The following GABRA2 variants were observed in gnomAD, a reference collection of about 807,000 sequenced individuals.
GABRA2 encodes the protein gamma-aminobutyric acid receptor subunit alpha-2.
Under a neutral mutation model 48.7 loss-of-function variants are expected in GABRA2, and 16 were observed. The observed-to-expected ratio is 0.33, with a 90% CI of 0.22 to 0.50. The LOEUF is 0.50. GABRA2 is among the 20% of genes least tolerant of loss of function. The pLI, the probability that GABRA2 is intolerant of heterozygous loss-of-function variation, is 0.98. For synonymous variants in GABRA2, 185 were observed against 184.5 expected (o/e 1.00, Z -0.02); for missense variants, 275 against 535.6 (o/e 0.51, Z 4.80).
intron 1 of GABRA2, chr4:46,389,009 T>G (rs1439623575): frequency 8.6e-5 from 102 of 1,183,424 alleles, no homozygotes; most frequent in Admixed American, 2.6e-4. Flanking sequence ...TCCCCCAGCC[T>G]CATCGTCAGC....
chr4:46,288,270 G>A (rs1722937191), intron 8 of GABRA2, among the ~76,000 whole-genome samples: 1 of 152,090 alleles, frequency 6.6e-6, no homozygotes, highest in Non-Finnish European at 1.5e-5. Flanking sequence ...GACTGTTGTT[G>A]GGGTATAGAA....
intron 6 of GABRA2, among the ~76,000 whole-genome samples, chr4:46,308,313 C>A (rs189268263): frequency 6.6e-6 from 1 of 152,040 alleles, no homozygotes; most frequent in East Asian, 1.9e-4. Context: ...TGTAAGCACA[C>A]AGAAAAAAAA....
chr4:46,288,237 G>A (rs905766036), intron 8 of GABRA2, among the ~76,000 whole-genome samples: 19 of 152,158 alleles, frequency 1.2e-4, no homozygotes, highest in African/African-American at 4.6e-4. Context: ...ATGGGAATAT[G>A]TTCCTTATTT....
At chr4:46,382,626 T>A (rs368774401) in intron 3 of GABRA2, among the ~76,000 whole-genome samples, 2 of 152,160 alleles carry the variant, frequency 1.3e-5, no homozygotes, top group East Asian at 3.9e-4. Flanking sequence ...TTATTAATCG[T>A]TAAATGCCTT....
At chr4:46,312,398 C>G in intron 5 of GABRA2, 98 bp downstream of exon 5, 1 of 753,132 alleles carries the variant, frequency 1.3e-6, no homozygotes, top group African/African-American at 1.8e-5. Flanking sequence ...TTAGAAAACA[C>G]TCAACTTTGT....
At chr4:46,355,429 A>C (rs978360690) in intron 3 of GABRA2, among the ~76,000 whole-genome samples, 2 of 152,146 alleles carry the variant, frequency 1.3e-5, no homozygotes, top group Admixed American at 6.5e-5. Context: ...CAGTAAAGGG[A>C]TAATATATCC....
chr4:46,303,694 C>A (rs1174464835), intron 7 of GABRA2, 82 bp from the exon 8 acceptor site: 15 of 1,235,810 alleles, frequency 1.2e-5, no homozygotes, highest in African/African-American at 1.5e-5. Context: ...AGAGGTAGAA[C>A]AAAAACTGAT....
intron 8 of GABRA2, among the ~76,000 whole-genome samples, chr4:46,300,798 T>C (rs1725604907): frequency 6.6e-6 from 1 of 152,106 alleles, no homozygotes; most frequent in Non-Finnish European, 1.5e-5. Flanking sequence ...AATCCATTGA[T>C]ACCCTCCCTC....
At chr4:46,379,812 C>G (rs2109350469) in intron 3 of GABRA2, among the ~76,000 whole-genome samples, 1 of 152,302 alleles carries the variant, frequency 6.6e-6, no homozygotes, top group African/African-American at 2.4e-5. Flanking sequence ...CTGGAGTTTA[C>G]TCTGCCTTCA....
At chr4:46,346,900 G>T (rs1192867164) in intron 3 of GABRA2, among the ~76,000 whole-genome samples, 1 of 151,780 alleles carries the variant, frequency 6.6e-6, no homozygotes, top group Admixed American at 6.6e-5. Flanking sequence ...CCATCAAAAA[G>T]CTGTCAGAGC....
intron 3 of GABRA2, among the ~76,000 whole-genome samples, chr4:46,384,166 A>G (rs936460787): frequency 6.6e-6 from 1 of 152,118 alleles, no homozygotes; most frequent in African/African-American, 2.4e-5. Context: ...CCTCCAAGGA[A>G]TATGTTCCTT....
chr4:46,335,985 C>G (rs1477089439), intron 3 of GABRA2, among the ~76,000 whole-genome samples: 1 of 152,110 alleles, frequency 6.6e-6, no homozygotes, highest in Non-Finnish European at 1.5e-5. Flanking sequence ...TGGGACCTTT[C>G]AACTTTGCCT....
At position 46,369,264 on chromosome 4, in the gene GABRA2, C is replaced by T. The variant is rs1222257257; in HGVS notation, c.187+16810G>A. ...GCTATTACCGAATTTCATTGAGCTACTGTCATTGGGAATTTCAGCTTGGGG... is the reference window on the plus strand; with the variant it reads ...GCTATTACCGAATTTCATTGAGCTATTGTCATTGGGAATTTCAGCTTGGGG... On this transcript the variant is annotated intron_variant, in intron 3 of 9. Coordinates refer to ENST00000381620, the MANE Select transcript of GABRA2 (RefSeq NM_000807.4). Among the ~76,000 whole-genome samples the T allele has an allele frequency of 2.0e-5, 3 of 152,160 alleles. No individual in the cohort carries two copies. In the East Asian group the frequency reaches 5.8e-4, roughly 29 times the overall value.
At chr4:46,312,416 T>C in intron 5 of GABRA2, 80 bp downstream of exon 5, 1 of 891,414 alleles carries the variant, frequency 1.1e-6, no homozygotes, top group Non-Finnish European at 1.8e-6. Flanking sequence ...TGTTAATACT[T>C]GACAGCTAGA....
At chr4:46,308,258 G>A (rs982585735) in intron 6 of GABRA2, among the ~76,000 whole-genome samples, 1 of 152,080 alleles carries the variant, frequency 6.6e-6, no homozygotes. Context: ...AAATTTAAAG[G>A]TATGCGGCAA....
chr4:46,306,827 G>C (rs141748919), intron 6 of GABRA2, among the ~76,000 whole-genome samples: 1 of 152,166 alleles, frequency 6.6e-6, no homozygotes, highest in Non-Finnish European at 1.5e-5. Context: ...GGTGACTCTG[G>C]TTCTGAAATT....
intron 8 of GABRA2, among the ~76,000 whole-genome samples, chr4:46,284,059 T>C (rs1722050028): frequency 6.9e-6 from 1 of 144,320 alleles, no homozygotes; most frequent in African/African-American, 2.6e-5. Flanking sequence ...AAGTCCGGCC[T>C]GATTTGAGTT....
intron 8 of GABRA2, among the ~76,000 whole-genome samples, chr4:46,300,046 A>T (rs749395270): frequency 6.6e-6 from 1 of 151,998 alleles, no homozygotes. Context: ...GTTAATAATT[A>T]TGTATTAATA....
chr4:46,376,513 C>T (rs1049067194), intron 3 of GABRA2, among the ~76,000 whole-genome samples: 2 of 152,140 alleles, frequency 1.3e-5, no homozygotes, highest in Admixed American at 1.3e-4. Context: ...ACCTTCACAA[C>T]AGCGATGGTT....
Sources: gnomAD v4.1 joint callset for allele counts (sites outside exome capture counted in the v4.1 genomes callset) on GRCh38, gnomAD v4.1.1 for gene constraint, MANE v1.5 for transcripts, NCBI Gene and HGNC (gene_info 2026-07-23, HGNC 2026-07-21) for gene names.